CSNK1G1: variants seen among roughly 807,000 people sequenced by gnomAD.
The protein encoded by CSNK1G1 is casein kinase 1 gamma 1.
In CSNK1G1, 22 loss-of-function variants were observed where a neutral mutation model predicts 59.6. The ratio of observed to expected loss-of-function variants is 0.37; its 90% CI spans 0.26 to 0.53. CSNK1G1 has a LOEUF of 0.53. CSNK1G1 is among the 20% of genes least tolerant of loss of function. CSNK1G1 has a pLI of 0.89. For missense variants in CSNK1G1, 384 were observed against 519.5 expected, an observed-to-expected ratio of 0.74 and a Z score of 2.54; for synonymous variants, 179 against 177.1, an observed-to-expected ratio of 1.01 and a Z score of -0.08.
intron 10 of CSNK1G1, among the ~76,000 whole-genome samples, chr15:64,187,854 A>T (rs2081918761): frequency 6.6e-6 from 1 of 152,236 alleles, no homozygotes; most frequent in Non-Finnish European, 1.5e-5. Context: ...TGAAATCAGA[A>T]ATAATTTTCT....
At chr15:64,243,569 C>T (rs1350784331) in intron 4 of CSNK1G1, among the ~76,000 whole-genome samples, 5 of 151,982 alleles carry the variant, frequency 3.3e-5, no homozygotes, top group African/African-American at 4.8e-5. Context: ...AAGAAAAAGA[C>T]ATAAAGGGCA....
At chr15:64,198,245 A>C (rs1045503448) in intron 10 of CSNK1G1, among the ~76,000 whole-genome samples, 24 of 130,592 alleles carry the variant, frequency 1.8e-4, no homozygotes, top group African/African-American at 6.7e-4. Flanking sequence ...CCCCGGCTGG[A>C]GTGCAGTGGC....
chr15:64,276,781 T>C (rs1291293128), intron 2 of CSNK1G1, among the ~76,000 whole-genome samples: 3 of 151,606 alleles, frequency 2.0e-5, no homozygotes, highest in Non-Finnish European at 4.4e-5. Context: ...CTGTCTCTAA[T>C]AAAAAATACA....
At chr15:64,323,486 C>T (rs1227462664) in intron 1 of CSNK1G1, among the ~76,000 whole-genome samples, 6 of 152,062 alleles carry the variant, frequency 3.9e-5, no homozygotes, top group Admixed American at 3.3e-4. Context: ...CTGCCTCAGC[C>T]TCCCTAGTAG....
chr15:64,280,859 C>T (rs1406409290), intron 2 of CSNK1G1, among the ~76,000 whole-genome samples: 1 of 151,906 alleles, frequency 6.6e-6, no homozygotes, highest in Non-Finnish European at 1.5e-5. Flanking sequence ...ATGGATTATT[C>T]AACTTGAAAA....
chr15:64,287,147 T>G (rs1018673618), intron 2 of CSNK1G1, among the ~76,000 whole-genome samples: 1 of 152,208 alleles, frequency 6.6e-6, no homozygotes, highest in Admixed American at 6.5e-5. Flanking sequence ...ACTTGTGATG[T>G]CTTGGATCTG....
intron 1 of CSNK1G1, among the ~76,000 whole-genome samples, chr15:64,310,920 G>A (rs1418449243): frequency 3.4e-5 from 5 of 149,034 alleles, no homozygotes; most frequent in Non-Finnish European, 3.0e-5. Context: ...CAGGAGAATC[G>A]CTTGAGCCCT....
chr15:64,199,679 CCT>C (rs2082082878), intron 10 of CSNK1G1, among the ~76,000 whole-genome samples: 1 of 152,034 alleles, frequency 6.6e-6, no homozygotes, highest in Non-Finnish European at 1.5e-5. Context: ...ACAGTGAAAC[CCT>C]GTCTCTACTA....
chr15:64,259,638 C>T (rs574098060), intron 2 of CSNK1G1, among the ~76,000 whole-genome samples: 16 of 152,166 alleles, frequency 1.1e-4, no homozygotes, highest in South Asian at 4.1e-4. Flanking sequence ...CTTCATTCTT[C>T]GAACTAACTG....
chr15:64,206,212 C>A (rs919241986), intron 7 of CSNK1G1, among the ~76,000 whole-genome samples: 2 of 151,984 alleles, frequency 1.3e-5, no homozygotes, highest in East Asian at 3.9e-4. Context: ...GAGGCCGAGG[C>A]AGGCGGATCA....
intron 1 of CSNK1G1, among the ~76,000 whole-genome samples, chr15:64,324,336 G>C (rs1259522548): frequency 1.3e-5 from 2 of 152,178 alleles, no homozygotes; most frequent in African/African-American, 4.8e-5. Context: ...GCCTGGGAGA[G>C]GCAGACCCAC....
chr15:64,280,217 G>A (rs1566931814), intron 2 of CSNK1G1, among the ~76,000 whole-genome samples: 1 of 151,928 alleles, frequency 6.6e-6, no homozygotes, highest in African/African-American at 2.4e-5. Context: ...CTGAATAAGG[G>A]TAATAAGCTT....
chr15:64,220,096 CTT>C (rs113389447), intron 4 of CSNK1G1, among the ~76,000 whole-genome samples: 20 of 136,566 alleles, frequency 1.5e-4, no homozygotes, highest in Non-Finnish European at 1.4e-4. Flanking sequence ...AATAACATAA[CTT>C]TTTTTTTTTT....
intron 11 of CSNK1G1, among the ~76,000 whole-genome samples, chr15:64,177,888 C>G (rs956284808): frequency 8.5e-5 from 13 of 152,240 alleles, no homozygotes; most frequent in African/African-American, 2.9e-4. Flanking sequence ...AGCTAAACTT[C>G]TAGCCTTCAA....
At chr15:64,296,660 T>C (rs1297186597) in intron 2 of CSNK1G1, among the ~76,000 whole-genome samples, 2 of 151,664 alleles carry the variant, frequency 1.3e-5, no homozygotes, top group Non-Finnish European at 2.9e-5. Flanking sequence ...AGGTCAGGAG[T>C]TCGAGACCAG....
At chr15:64,199,085 C>T (rs955179232) in intron 10 of CSNK1G1, among the ~76,000 whole-genome samples, 4 of 133,666 alleles carry the variant, frequency 3.0e-5, no homozygotes, top group East Asian at 2.0e-4. Flanking sequence ...ACAGAAAATA[C>T]GAAAAAAAAA....
At chr15:64,285,956 C>T (rs1241741406) in intron 2 of CSNK1G1, among the ~76,000 whole-genome samples, 1 of 152,114 alleles carries the variant, frequency 6.6e-6, no homozygotes, top group Non-Finnish European at 1.5e-5. Context: ...AGGCTTTGCT[C>T]ACATCTCCGG....
At chr15:64,284,956 ACTC>A (rs1275122919) in intron 2 of CSNK1G1, among the ~76,000 whole-genome samples, 1 of 152,060 alleles carries the variant, frequency 6.6e-6, no homozygotes, top group Non-Finnish European at 1.5e-5. Flanking sequence ...TTTAGCCTTG[ACTC>A]CTCAATACAA....
intron 1 of CSNK1G1, among the ~76,000 whole-genome samples, chr15:64,333,186 G>A (rs1364426842): frequency 6.8e-6 from 1 of 146,476 alleles, no homozygotes; most frequent in African/African-American, 2.6e-5. Context: ...GAACCCAGGA[G>A]GCCAAGGTTG....
Sources: allele counts gnomAD v4.1 joint callset (sites outside exome capture counted in the v4.1 genomes callset), GRCh38; gene constraint gnomAD v4.1.1; transcripts MANE v1.5; gene names NCBI Gene and HGNC (gene_info 2026-07-23, HGNC 2026-07-21).